ZNF469: variants seen among roughly 807,000 people sequenced by gnomAD.
The protein encoded by ZNF469 is zinc finger protein 469.
ZNF469 carries 1 observed loss-of-function variant against 1.0 expected under a neutral mutation model. That is an observed-to-expected ratio of 1.00 (90% CI 0.35 to 4.73). The LOEUF is 4.73. ZNF469 is among the 30% of genes most tolerant of loss of function. The pLI, the probability that ZNF469 is intolerant of heterozygous loss-of-function variation, is 0.16. For synonymous variants in ZNF469, 2,703 were observed against 2,363.4 expected (o/e 1.14, Z -4.17); for missense variants, 6,100 against 5,356.3 (o/e 1.14, Z -4.33).
chr16:88,370,220 C>T, the ZNF469 span, among the ~76,000 whole-genome samples: 1 of 152,194 alleles, frequency 6.6e-6, no homozygotes, highest in Non-Finnish European at 1.5e-5. Flanking sequence ...GGCACAATTT[C>T]CAGCATCAAT....
chr16:88,161,464 G>A, the ZNF469 span, among the ~76,000 whole-genome samples: 2 of 152,218 alleles, frequency 1.3e-5, no homozygotes, highest in South Asian at 2.1e-4. Context: ...GCATGTGTGT[G>A]AGAAAACTGA....
At chr16:88,277,446 C>T in the ZNF469 span, among the ~76,000 whole-genome samples, 94 of 146,308 alleles carry the variant, frequency 6.4e-4, no homozygotes, top group East Asian at 2.2e-3. Flanking sequence ...ACCACACTGA[C>T]GCTTGGTCAG....
chr16:88,361,392 A>G, the ZNF469 span, among the ~76,000 whole-genome samples: 2 of 152,256 alleles, frequency 1.3e-5, no homozygotes, highest in Non-Finnish European at 2.9e-5. Flanking sequence ...ATTTTTATAT[A>G]GGAAAATCTA....
chr16:88,400,352 T>C (rs552414448), intron 1 of ZNF469, among the ~76,000 whole-genome samples: 14 of 152,110 alleles, frequency 9.2e-5, no homozygotes, highest in Non-Finnish European at 1.6e-4. Context: ...TGCTGCAAAA[T>C]TGGCCTACCA....
chr16:88,429,184 C>T lies in ZNF469; in HGVS notation c.1714C>T (p.Pro572Ser). 1 of 1,549,910 alleles carries T rather than the reference C, an allele frequency of 6.5e-7. No individual in the cohort carries two copies. The highest frequency in any genetic ancestry group is 8.7e-7 in the Non-Finnish European group (1 of 1,146,840). ...CGGGGTGGCCCAGCCCCAGGTTTCA[C>T]CCCACGGGACACCCAGCCTGCCCCC... Reference protein sequence around the residue: ...FFGVAQPQVSPHGTPSLPPPR... With the variant: ...FFGVAQPQVSSHGTPSLPPPR... The change falls in exon 3 of 3, where the codon CCC becomes TCC. Residue 572 changes from proline (P) to serine (S), a missense_variant. Physicochemically the swap from Pro to Ser is moderately conservative, Grantham distance 74 (BLOSUM62 -1). Transcript: ENST00000565624.
At chr16:88,411,393 G>C (rs1413902070) in intron 1 of ZNF469, among the ~76,000 whole-genome samples, 2 of 149,852 alleles carry the variant, frequency 1.3e-5, no homozygotes, top group Non-Finnish European at 3.0e-5. Flanking sequence ...TGGTGGGGCA[G>C]CAGGGGCAAG....
the ZNF469 span, among the ~76,000 whole-genome samples, chr16:88,172,250 G>A: frequency 6.6e-6 from 1 of 152,230 alleles, no homozygotes; most frequent in Non-Finnish European, 1.5e-5. Context: ...TGCGTGTGAA[G>A]AAACTGCTGA....
chr16:88,329,760 T>G, the ZNF469 span, among the ~76,000 whole-genome samples: 6 of 152,208 alleles, frequency 3.9e-5, no homozygotes, highest in Non-Finnish European at 8.8e-5. Context: ...ACATTTGTGC[T>G]GAAAACATGG....
chr16:88,306,253 T>C, the ZNF469 span, among the ~76,000 whole-genome samples: 1 of 152,234 alleles, frequency 6.6e-6, no homozygotes, highest in African/African-American at 2.4e-5. Flanking sequence ...CACCTCTTGC[T>C]CTTGTGTCCA....
the ZNF469 span, among the ~76,000 whole-genome samples, chr16:88,298,761 G>C: frequency 1.3e-5 from 2 of 152,124 alleles, no homozygotes; most frequent in East Asian, 3.9e-4. Flanking sequence ...CCCGAGACAG[G>C]AGCAAGCAGA....
chr16:88,270,116 C>T, the ZNF469 span, among the ~76,000 whole-genome samples: 1 of 152,184 alleles, frequency 6.6e-6, no homozygotes, highest in African/African-American at 2.4e-5. Context: ...ATTGCGCCTG[C>T]AGTGAAATGC....
At chr16:88,271,563 A>T in the ZNF469 span, among the ~76,000 whole-genome samples, 1 of 140,490 alleles carries the variant, frequency 7.1e-6, no homozygotes, top group African/African-American at 2.5e-5. Context: ...TGCTCCCAAC[A>T]GGGTCTGAGA....
chr16:88,433,339 G>C lies in ZNF469; in HGVS notation c.5869G>C (p.Gly1957Arg). The C allele has an allele frequency of 6.5e-7, 1 of 1,550,282 alleles. No homozygotes were observed. The highest frequency in any genetic ancestry group is 2.4e-5 in the East Asian group (1 of 40,920). Residue 1957 changes from glycine to arginine, a missense_variant, in exon 3 of 3, where the codon GGC becomes CGC. Gly to Arg is a moderately radical substitution (Grantham distance 125). Transcript: ENST00000565624. ...GGKVACGPAQ[G>R]SPGGVQVTTL... is the part of the protein sequence containing the mutation. ...GAAGGTGGCCTGTGGCCCCGCCCAG[G>C]GCTCCCCAGGGGGTGTGCAGGTGAC...
In ZNF469 at chr16:88,434,551, G is replaced by A. The variant is rs902061995; in HGVS notation, c.7081G>A (p.Asp2361Asn). The A allele has an allele frequency of 1.9e-6, 3 of 1,550,216 alleles. No individual in the cohort carries two copies. The highest frequency in any genetic ancestry group is 1.4e-5 in the African/African-American group (1 of 73,058). ...EPPTLQGAGP[D>N]SPACLEGEMG... ...TCCCACGCTACAGGGTGCAGGGCCG[G>A]ACTCCCCCGCCTGCCTGGAAGGTGA... is the stretch of plus-strand genomic sequence containing the variant. Residue 2361 changes from aspartate to asparagine, a missense_variant, in exon 3 of 3, where the codon GAC (aspartate) becomes AAC (asparagine). By Grantham distance (23) the Asp-to-Asn change is conservative (BLOSUM62 1). Coordinates refer to ENST00000565624, the MANE Select transcript of ZNF469 (RefSeq NM_001367624.2).
chr16:88,273,294 C>A, the ZNF469 span, among the ~76,000 whole-genome samples: 1 of 151,498 alleles, frequency 6.6e-6, no homozygotes, highest in Non-Finnish European at 1.5e-5. Flanking sequence ...TGGTTCTGTC[C>A]CTCACAACCA....
the ZNF469 span, among the ~76,000 whole-genome samples, chr16:88,321,671 G>A: frequency 6.6e-6 from 1 of 152,114 alleles, no homozygotes; most frequent in Non-Finnish European, 1.5e-5. Context: ...TGCTCATAAG[G>A]CCTCACCTGA....
chr16:88,356,468 CTG>C, the ZNF469 span, among the ~76,000 whole-genome samples: 31 of 151,310 alleles, frequency 2.0e-4, no homozygotes, highest in East Asian at 9.7e-4. Context: ...TGACGTGTGC[CTG>C]TGTGTGTGTG....
chr16:88,192,794 T>C, the ZNF469 span, among the ~76,000 whole-genome samples: 1 of 149,936 alleles, frequency 6.7e-6, no homozygotes, highest in Non-Finnish European at 1.5e-5. Flanking sequence ...ATAGTGGTGA[T>C]GACAATGATG....
At chr16:88,332,864 C>A in the ZNF469 span, among the ~76,000 whole-genome samples, 1 of 152,234 alleles carries the variant, frequency 6.6e-6, no homozygotes, top group Non-Finnish European at 1.5e-5. Flanking sequence ...AAGACCAAGG[C>A]CCCGGGTTGC....
Sources: allele counts gnomAD v4.1 joint callset (sites outside exome capture counted in the v4.1 genomes callset), GRCh38; gene constraint gnomAD v4.1.1; transcripts MANE v1.5; gene names NCBI Gene and HGNC (gene_info 2026-07-23, HGNC 2026-07-21).